EBF1: variants seen among roughly 807,000 people sequenced by gnomAD.
The protein encoded by EBF1 is EBF transcription factor 1.
EBF1 carries 10 observed loss-of-function variants against 68.4 expected under a neutral mutation model. That is an observed-to-expected ratio of 0.15 (90% CI 0.09 to 0.25). The LOEUF is 0.25. Ranked by LOEUF, EBF1 falls within the 10% of genes least tolerant of loss-of-function variation. The probability of loss-of-function intolerance (pLI) is 1.00; values close to 1 mark genes in which losing one functional copy is unlikely to be tolerated. For missense variants in EBF1, 509 were observed against 794.4 expected (o/e 0.64, Z 4.32); for synonymous variants, 298 against 299.8 (o/e 0.99, Z 0.06).
At chr5:158,833,304 AAAAAAAAAG>A (rs899179176) in intron 7 of EBF1, among the ~76,000 whole-genome samples, 3 of 152,030 alleles carry the variant, frequency 2.0e-5, no homozygotes, top group Non-Finnish European at 2.9e-5. Flanking sequence ...TCTCAAAAAA[AAAAAAAAAG>A]AAAAAAAGAG....
chr5:158,925,691 A>T (rs1809548566), intron 6 of EBF1, among the ~76,000 whole-genome samples: 1 of 152,200 alleles, frequency 6.6e-6, no homozygotes. Context: ...GCCACACCCC[A>T]CACTGCACCA....
chr5:158,941,010 A>T (rs1187704594), intron 6 of EBF1, among the ~76,000 whole-genome samples: 1 of 152,134 alleles, frequency 6.6e-6, no homozygotes, highest in Non-Finnish European at 1.5e-5. Context: ...TTAATTGAAA[A>T]TGTCAACCAC....
At chr5:158,880,791 T>C (rs2128088138) in intron 6 of EBF1, among the ~76,000 whole-genome samples, 2 of 152,298 alleles carry the variant, frequency 1.3e-5, no homozygotes, top group South Asian at 4.1e-4. Context: ...GTTTGTAGTG[T>C]GAAGGGGAAA....
rs539857967 is a variant in EBF1, at chr5:158,991,888, A to G, written c.554+81508T>C. ...AAGCCCCTCCCTGCCTGCCCATTTC[A>G]CCCCTCTCCAATGTTTTTGCAACAC... On this transcript the variant is annotated intron_variant, in intron 6 of 15. Coordinates refer to ENST00000313708, the MANE Select transcript of EBF1 (RefSeq NM_024007.5). Among the ~76,000 whole-genome samples, 70 of 151,906 alleles carry G rather than the reference A, an allele frequency of 4.6e-4. 1 individual carries two copies. The highest frequency in any genetic ancestry group is 1.6e-3 in the African/African-American group (68 of 41,394).
intron 6 of EBF1, among the ~76,000 whole-genome samples, chr5:158,966,943 C>T (rs924759868): frequency 3.3e-5 from 5 of 152,142 alleles, no homozygotes; most frequent in African/African-American, 1.2e-4. Flanking sequence ...TAATTTAGGG[C>T]AGATGTCAAG....
intron 6 of EBF1, among the ~76,000 whole-genome samples, chr5:158,862,046 CTAA>C (rs1246037041): frequency 6.6e-6 from 1 of 152,072 alleles, no homozygotes; most frequent in Non-Finnish European, 1.5e-5. Flanking sequence ...AAATGATCTC[CTAA>C]TGTTTGATTA....
chr5:158,788,768 C>G (rs1166811264), intron 9 of EBF1, among the ~76,000 whole-genome samples: 1 of 152,172 alleles, frequency 6.6e-6, no homozygotes, highest in Non-Finnish European at 1.5e-5. Flanking sequence ...TTCCTATTTT[C>G]AAGTTACAGA....
intron 6 of EBF1, among the ~76,000 whole-genome samples, chr5:159,069,281 C>T (rs2127926676): frequency 6.6e-6 from 1 of 151,904 alleles, no homozygotes; most frequent in East Asian, 1.9e-4. Flanking sequence ...ACATTGTCAC[C>T]CTTACTTAAT....
At chr5:159,043,982 A>G (rs1561870479) in intron 6 of EBF1, among the ~76,000 whole-genome samples, 1 of 152,230 alleles carries the variant, frequency 6.6e-6, no homozygotes, top group Non-Finnish European at 1.5e-5. Flanking sequence ...TCACCAAGGT[A>G]TCTCTGAATC....
chr5:158,747,479 CA>C (rs1767843277), intron 10 of EBF1, among the ~76,000 whole-genome samples: 1 of 152,128 alleles, frequency 6.6e-6, no homozygotes. Flanking sequence ...ATGACATCTT[CA>C]TATACATGAT....
At chr5:158,991,104 AGCAATACAC>A (rs1288401704) in intron 6 of EBF1, among the ~76,000 whole-genome samples, 2 of 152,234 alleles carry the variant, frequency 1.3e-5, no homozygotes, top group Non-Finnish European at 2.9e-5. Flanking sequence ...TGTGATCTTG[AGCAATACAC>A]TACTGAACTT....
At chr5:158,848,030 C>G (rs1413965691) in intron 6 of EBF1, among the ~76,000 whole-genome samples, 3 of 152,230 alleles carry the variant, frequency 2.0e-5, no homozygotes, top group Non-Finnish European at 4.4e-5. Context: ...AGCTCCTCAA[C>G]TTAGCAGTTA....
At chr5:158,867,241 C>T (rs1268102301) in intron 6 of EBF1, among the ~76,000 whole-genome samples, 2 of 151,972 alleles carry the variant, frequency 1.3e-5, no homozygotes, top group Non-Finnish European at 1.5e-5. Flanking sequence ...AGAGGAAGGG[C>T]CTGAGTTTTT....
At chr5:158,883,082 CT>C (rs1799195083) in intron 6 of EBF1, among the ~76,000 whole-genome samples, 1 of 151,680 alleles carries the variant, frequency 6.6e-6, no homozygotes, top group African/African-American at 2.4e-5. Flanking sequence ...TCCTATCAGT[CT>C]TTTTTCTTCA....
At chr5:158,934,692 A>G (rs1811600585) in intron 6 of EBF1, among the ~76,000 whole-genome samples, 1 of 152,242 alleles carries the variant, frequency 6.6e-6, no homozygotes, top group African/African-American at 2.4e-5. Flanking sequence ...TAGAATTCCC[A>G]CAAGTTATTT....
chr5:158,742,898 G>C (rs1766723375), intron 10 of EBF1, among the ~76,000 whole-genome samples: 1 of 152,196 alleles, frequency 6.6e-6, no homozygotes, highest in South Asian at 2.1e-4. Flanking sequence ...TTCCAGACTT[G>C]GGGTGTTTTA....
chr5:158,860,569 G>T (rs1479533167), intron 6 of EBF1, among the ~76,000 whole-genome samples: 4 of 152,162 alleles, frequency 2.6e-5, no homozygotes, highest in Non-Finnish European at 4.4e-5. Context: ...CTGCCATCTT[G>T]GCATGGTTCT....
chr5:158,785,370 G>C (rs190251367), intron 9 of EBF1, among the ~76,000 whole-genome samples: 3 of 152,120 alleles, frequency 2.0e-5, no homozygotes, highest in Admixed American at 2.0e-4. Flanking sequence ...TATTCTTGGC[G>C]ACTGTGCTGG....
At chr5:159,029,941 A>G (rs10476282) in intron 6 of EBF1, among the ~76,000 whole-genome samples, 9,232 of 151,436 alleles carry the variant, frequency 0.061, 903 homozygotes, top group African/African-American at 0.21. Flanking sequence ...TGGGCAACAA[A>G]GAGCAAAACT....
Sources: allele counts gnomAD v4.1 joint callset (sites outside exome capture counted in the v4.1 genomes callset), GRCh38; gene constraint gnomAD v4.1.1; transcripts MANE v1.5; gene names NCBI Gene and HGNC (gene_info 2026-07-23, HGNC 2026-07-21).